EPS15: variants seen among roughly 807,000 people sequenced by gnomAD.
The protein encoded by EPS15 is epidermal growth factor receptor substrate 15.
In EPS15, 72 loss-of-function variants were observed where a neutral mutation model predicts 113.8. The ratio of observed to expected loss-of-function variants is 0.63; its 90% CI spans 0.52 to 0.77. EPS15 has a LOEUF of 0.77. EPS15 is among the 30% of genes least tolerant of loss of function. The pLI, the probability that EPS15 is intolerant of heterozygous loss-of-function variation, is 0.00. For synonymous variants in EPS15, 344 were observed against 363.4 expected, an observed-to-expected ratio of 0.95 and a Z score of 0.61; for missense variants, 1,048 against 1,045.8, an observed-to-expected ratio of 1.00 and a Z score of -0.03.
rs575591673 is a variant in EPS15, at chr1:51,479,170, T to C, written c.75+2103A>G. On this transcript the variant is annotated intron_variant, in intron 2 of 24. Coordinates refer to ENST00000371733, the MANE Select transcript of EPS15 (RefSeq NM_001981.3). ...TTTGTTCGTTTCCTTTTACTCTTTT[T>C]TCTCTAAACTTCTCTTCTCGCTTCA... Among the ~76,000 whole-genome samples the C allele has an allele frequency of 7.0e-4, 106 of 152,312 alleles. 1 individual carries two copies. Among genetic ancestry groups the C allele is most frequent in the African/African-American group, 2.4e-3 (100 of 41,572 alleles).
chr1:51,430,134 TAA>T (rs1651587659), intron 12 of EPS15, among the ~76,000 whole-genome samples: 1 of 152,162 alleles, frequency 6.6e-6, no homozygotes, highest in South Asian at 2.1e-4. Flanking sequence ...AGAAAGGCAA[TAA>T]AACACCCTGA....
At chr1:51,474,993 C>T (rs1359605734) in intron 2 of EPS15, among the ~76,000 whole-genome samples, 1 of 152,062 alleles carries the variant, frequency 6.6e-6, no homozygotes, top group Admixed American at 6.5e-5. Context: ...CATCCACATC[C>T]CTACAAAGGA....
intron 7 of EPS15, among the ~76,000 whole-genome samples, chr1:51,462,372 A>AG (rs1491466916): frequency 8.5e-6 from 1 of 118,330 alleles, no homozygotes; most frequent in African/African-American, 4.1e-5. Flanking sequence ...TCAAAAAAAG[A>AG]AAAAAAAAAA....
At chr1:51,477,338 CT>C (rs1287044931) in intron 2 of EPS15, among the ~76,000 whole-genome samples, 1 of 151,832 alleles carries the variant, frequency 6.6e-6, no homozygotes, top group Non-Finnish European at 1.5e-5. Flanking sequence ...TTTGATTCTT[CT>C]CTCTCTGCTT....
intron 1 of EPS15, among the ~76,000 whole-genome samples, chr1:51,484,183 T>G (rs886143397): frequency 6.6e-6 from 1 of 152,208 alleles, no homozygotes; most frequent in Admixed American, 6.5e-5. Context: ...TGCCCTGGTA[T>G]GCCCAGGAAA....
chr1:51,446,980 A>G lies in EPS15; in HGVS notation c.777T>C (p.Ser259=), dbSNP rs1343403831. The G allele has an allele frequency of 6.2e-6, 10 of 1,612,946 alleles. No homozygotes were observed. The East Asian group carries it at 1.8e-4, about 29-fold the overall frequency. Residue 259 remains serine, a synonymous_variant, in exon 10 of 25, where the codon TCT becomes TCC. Transcript: ENST00000371733. The part of the protein sequence containing the change: ...REIFLKTGLP[S]TLLAHIWSLC... ...CTTACCATATATGGGCTAGTAAGGTAGAAGGTAAACCTGTTTTCAAGAATA... is the reference window on the plus strand; with the variant it reads ...CTTACCATATATGGGCTAGTAAGGTGGAAGGTAAACCTGTTTTCAAGAATA...
intron 13 of EPS15, among the ~76,000 whole-genome samples, chr1:51,410,059 T>C (rs928675731): frequency 7.5e-5 from 10 of 132,680 alleles, no homozygotes; most frequent in Admixed American, 1.5e-4. Flanking sequence ...CTAACAAAAA[T>C]GCAAAAAAAA....
At chr1:51,478,141 T>C (rs1193086911) in intron 2 of EPS15, among the ~76,000 whole-genome samples, 2 of 152,216 alleles carry the variant, frequency 1.3e-5, no homozygotes, top group African/African-American at 4.8e-5. Context: ...GGTGCTCCTG[T>C]ATTGGGTGTA....
chr1:51,357,129 A>G (rs1310886743), intron 24 of EPS15, among the ~76,000 whole-genome samples: 1 of 151,748 alleles, frequency 6.6e-6, no homozygotes, highest in Non-Finnish European at 1.5e-5. Flanking sequence ...CTGTAATCCC[A>G]GCACTTTGGA....
chr1:51,456,015 G>A (rs1158722815), intron 8 of EPS15, among the ~76,000 whole-genome samples: 2 of 151,564 alleles, frequency 1.3e-5, no homozygotes, highest in African/African-American at 4.8e-5. Context: ...CTGGGCTTCT[G>A]AGAATATGAA....
chr1:51,453,921 G>A (rs1301651737), intron 8 of EPS15, among the ~76,000 whole-genome samples: 1 of 151,864 alleles, frequency 6.6e-6, no homozygotes, highest in Non-Finnish European at 1.5e-5. Flanking sequence ...GTGGTGGCAG[G>A]TGCCTATAAA....
chr1:51,466,186 G>C (rs1654829951), intron 5 of EPS15, among the ~76,000 whole-genome samples: 1 of 151,328 alleles, frequency 6.6e-6, no homozygotes, highest in African/African-American at 2.4e-5. Context: ...AATCGAGTAA[G>C]CAATCAAAAT....
At chr1:51,368,942 G>T (rs1047185477) in intron 21 of EPS15, among the ~76,000 whole-genome samples, 2 of 151,982 alleles carry the variant, frequency 1.3e-5, no homozygotes, top group African/African-American at 4.8e-5. Context: ...CCTGAGTGGG[G>T]TGAAGATGCT....
chr1:51,486,843 A>G (rs75341668), intron 1 of EPS15, among the ~76,000 whole-genome samples: 1 of 149,922 alleles, frequency 6.7e-6, no homozygotes, highest in Non-Finnish European at 1.5e-5. Flanking sequence ...GTGTGTGTGT[A>G]TTTTTAGTAG....
At position 51,396,235 on chromosome 1, in the gene EPS15, C is replaced by T. The variant is rs190873089; in HGVS notation, c.2053-1788G>A. 3.9e-5 allele frequency among the ~76,000 whole-genome samples: 6 copies of T among 152,240 alleles called. No individual in the cohort carries two copies. The East Asian group carries it at 1.2e-3, about 29-fold the overall frequency. On this transcript the variant is annotated intron_variant, in intron 20 of 24. Coordinates refer to ENST00000371733, the MANE Select transcript of EPS15 (RefSeq NM_001981.3). The stretch of plus-strand genomic sequence containing the variant: ...ATAGCGAGATAACTTTCCATGTTTC[C>T]TAATATGATAGTCATAACTCCAGTG...
At chr1:51,386,917 T>C (rs571120569) in intron 21 of EPS15, among the ~76,000 whole-genome samples, 3 of 152,304 alleles carry the variant, frequency 2.0e-5, no homozygotes, top group Non-Finnish European at 2.9e-5. Context: ...CCAGGAGAAC[T>C]TCCCCAATCT....
At chr1:51,477,322 T>C (rs529469893) in intron 2 of EPS15, among the ~76,000 whole-genome samples, 3 of 152,164 alleles carry the variant, frequency 2.0e-5, no homozygotes, top group Non-Finnish European at 4.4e-5. Flanking sequence ...TTTTTTATTG[T>C]GTCTATTTGA....
chr1:51,435,198 CTTTTTTT>C (rs1263254866), intron 12 of EPS15, among the ~76,000 whole-genome samples: 2 of 150,260 alleles, frequency 1.3e-5, no homozygotes, highest in Non-Finnish European at 3.0e-5. Context: ...TTTCTTTTTT[CTTTTTTT>C]GAGACTGAGT....
At chr1:51,452,891 C>CA (rs1326692614) in intron 8 of EPS15, among the ~76,000 whole-genome samples, 3 of 152,214 alleles carry the variant, frequency 2.0e-5, no homozygotes, top group African/African-American at 4.8e-5. Flanking sequence ...CCCCTGCACT[C>CA]AGAATTTTCT....
Sources: gnomAD v4.1 joint callset for allele counts (sites outside exome capture counted in the v4.1 genomes callset) on GRCh38, gnomAD v4.1.1 for gene constraint, MANE v1.5 for transcripts, NCBI Gene and HGNC (gene_info 2026-07-23, HGNC 2026-07-21) for gene names.